Variants in NFATC3 observed in about 807,000 individuals in gnomAD.
NFATC3 encodes nuclear factor of activated T-cells, cytoplasmic 3.
NFATC3 carries 46 observed loss-of-function variants against 98.6 expected under a neutral mutation model. The observed-to-expected ratio is 0.47, with a 90% CI of 0.37 to 0.60. NFATC3 has a LOEUF of 0.60. Among genes scored for constraint, NFATC3 ranks in the 20% least tolerant of loss-of-function variants. The pLI, the probability that NFATC3 is intolerant of heterozygous loss-of-function variation, is 0.00. For synonymous variants in NFATC3, 512 were observed against 472.2 expected, an observed-to-expected ratio of 1.08 and a Z score of -1.09; for missense variants, 1,256 against 1,295.5, an observed-to-expected ratio of 0.97 and a Z score of 0.47.
chr16:68,113,395 T>A (rs2036088297), intron 1 of NFATC3, among the ~76,000 whole-genome samples: 1 of 152,186 alleles, frequency 6.6e-6, no homozygotes, highest in African/African-American at 2.4e-5. Flanking sequence ...ACCTAATTCA[T>A]CTACCCCCTC....
chr16:68,173,866 T>G (rs1478111524), intron 5 of NFATC3, among the ~76,000 whole-genome samples: 1 of 152,072 alleles, frequency 6.6e-6, no homozygotes, highest in African/African-American at 2.4e-5. Context: ...AGAAAATAAT[T>G]GGCTGGGTGT....
intron 1 of NFATC3, among the ~76,000 whole-genome samples, chr16:68,105,414 T>C (rs989372810): frequency 1.3e-5 from 2 of 152,156 alleles, no homozygotes; most frequent in Non-Finnish European, 2.9e-5. Flanking sequence ...CTTCACTCTA[T>C]TAATATGGTA....
At chr16:68,155,614 C>T (rs2038568515) in intron 3 of NFATC3, among the ~76,000 whole-genome samples, 1 of 152,120 alleles carries the variant, frequency 6.6e-6, no homozygotes, top group African/African-American at 2.4e-5. Flanking sequence ...CAGATTCCCT[C>T]GCCAGGCAGA....
intron 3 of NFATC3, among the ~76,000 whole-genome samples, chr16:68,132,347 G>C (rs2037156841): frequency 6.6e-6 from 1 of 152,150 alleles, no homozygotes; most frequent in Non-Finnish European, 1.5e-5. Flanking sequence ...GTATATAGCA[G>C]AGCTGCTAAC....
intron 3 of NFATC3, among the ~76,000 whole-genome samples, chr16:68,128,666 G>A (rs2036964985): frequency 6.6e-6 from 1 of 152,098 alleles, no homozygotes; most frequent in Non-Finnish European, 1.5e-5. Flanking sequence ...AACAAAAACT[G>A]AGCCAGGAAC....
At chr16:68,193,269 G>T (rs2151118173) in intron 9 of NFATC3, among the ~76,000 whole-genome samples, 1 of 152,120 alleles carries the variant, frequency 6.6e-6, no homozygotes, top group East Asian at 1.9e-4. Flanking sequence ...TTTTGGTATG[G>T]GGGGGTTGTA....
chr16:68,117,457 C>T (rs561267723), intron 1 of NFATC3, among the ~76,000 whole-genome samples: 1 of 152,304 alleles, frequency 6.6e-6, no homozygotes, highest in South Asian at 2.1e-4. Flanking sequence ...TCTCATTATT[C>T]TGCCTCCTTA....
chr16:68,095,587 C>T (rs1347983704), intron 1 of NFATC3, among the ~76,000 whole-genome samples: 1 of 152,150 alleles, frequency 6.6e-6, no homozygotes, highest in Non-Finnish European at 1.5e-5. Context: ...CTCCCTACCT[C>T]AGGTGATCCG....
At chr16:68,182,087 T>C (rs1391575538) in intron 7 of NFATC3, among the ~76,000 whole-genome samples, 1 of 152,228 alleles carries the variant, frequency 6.6e-6, no homozygotes, top group Non-Finnish European at 1.5e-5. Flanking sequence ...AAGGTTCTTA[T>C]TGAAATTATC....
chr16:68,168,242 C>T (rs1295126717), intron 5 of NFATC3, among the ~76,000 whole-genome samples: 1 of 151,724 alleles, frequency 6.6e-6, no homozygotes, highest in Non-Finnish European at 1.5e-5. Context: ...CTCACTGCAT[C>T]CTCCACCTCC....
At chr16:68,213,535 A>T (rs1471324757) in intron 9 of NFATC3, among the ~76,000 whole-genome samples, 1 of 151,912 alleles carries the variant, frequency 6.6e-6, no homozygotes, top group Non-Finnish European at 1.5e-5. Flanking sequence ...TAGTTTAAAA[A>T]ATACTCCTCC....
chr16:68,174,477 T>G lies in NFATC3; in HGVS notation c.1878T>G (p.Leu626=), dbSNP rs2039598951. 6.2e-7 allele frequency: 1 copy of G among 1,603,816 alleles called. No individual in the cohort carries two copies. The highest frequency in any genetic ancestry group is 8.5e-7 in the Non-Finnish European group (1 of 1,175,640). ...HEMVVTGSNF[L]PESKIIFLEK... ...TGGTTGTGACTGGATCTAATTTTCTTCCAGAATCCAAAATCATTTTTCTTG... is the reference window on the plus strand; with the variant it reads ...TGGTTGTGACTGGATCTAATTTTCTGCCAGAATCCAAAATCATTTTTCTTG... Residue 626 remains leucine, a synonymous_variant, in exon 6 of 10, where the codon CTT becomes CTG. Transcript: ENST00000346183.
intron 9 of NFATC3, among the ~76,000 whole-genome samples, chr16:68,208,331 C>T (rs374821398): frequency 1.3e-4 from 20 of 152,236 alleles, no homozygotes; most frequent in African/African-American, 4.6e-4. Flanking sequence ...CCACCATGCC[C>T]GGTCTAGTTT....
chr16:68,191,682 C>T lies in NFATC3; in HGVS notation c.3013C>T (p.Pro1005Ser), dbSNP rs767033224. The change falls in exon 9 of 10, where the codon CCT (proline) becomes TCT (serine). Residue 1005 changes from proline (P) to serine (S), a missense_variant. By Grantham distance (74) the Pro-to-Ser change is moderately conservative. Coordinates refer to ENST00000346183, the MANE Select transcript of NFATC3 (RefSeq NM_173165.3). Reference protein sequence around the residue: ...HSLCDPASFPPDGATVSIKPE... With the variant: ...HSLCDPASFPSDGATVSIKPE... ...TTTGTGTGATCCAGCGTCATTTCCA[C>T]CTGATGGGGCAACTGTGAGCATTAA... 5 of 1,614,032 alleles carry T rather than the reference C, an allele frequency of 3.1e-6. No individual in the cohort carries two copies. The African/African-American group carries it at 4.0e-5, about 13-fold the overall frequency.
Position 68,183,315 on chromosome 16 carries a change from T to G in NFATC3, c.2047T>G (p.Cys683Gly), listed in dbSNP as rs754467390. ...TAAVQVHFYL[C>G]NGKRKKSQSQ... ...TGCAGTGCAGGTGCACTTTTATCTT[T>G]GCAATGGCAAGAGGAAAAAAAGCCA... The change falls in exon 8 of 10, where the codon TGC (cysteine) becomes GGC (glycine). Residue 683 changes from cysteine (C) to glycine (G), a missense_variant. Cys to Gly is a radical substitution (Grantham distance 159). This residue lies in a region of NFATC3 where 636 missense variants were observed against 617.3 expected (regional missense o/e 1.03). Coordinates refer to ENST00000346183, the MANE Select transcript of NFATC3 (RefSeq NM_173165.3). The G allele has an allele frequency of 1.9e-6, 3 of 1,613,598 alleles. No individual in the cohort carries two copies. The highest frequency in any genetic ancestry group is 1.1e-5 in the South Asian group (1 of 90,986).
chr16:68,108,318 A>C (rs1202370401), intron 1 of NFATC3, among the ~76,000 whole-genome samples: 4 of 152,154 alleles, frequency 2.6e-5, no homozygotes, highest in African/African-American at 9.7e-5. Flanking sequence ...TCCCAATACT[A>C]CTTATTAAAT....
intron 1 of NFATC3, 35 bp downstream of exon 1, chr16:68,085,819 C>A (rs1347385629): frequency 8.0e-6 from 11 of 1,375,426 alleles, no homozygotes; most frequent in Non-Finnish European, 1.0e-5. Flanking sequence ...GTGGAGCGAC[C>A]CCGCTTCTCG....
chr16:68,191,849 G>C, intron 9 of NFATC3, 74 bp downstream of exon 9: 2 of 1,506,714 alleles, frequency 1.3e-6, no homozygotes, highest in Non-Finnish European at 1.8e-6. Flanking sequence ...TCATGAAAAA[G>C]TTTCTATGGA....
In NFATC3 at chr16:68,227,071, CTGT is replaced by C. The variant is rs2042054988; in HGVS notation, c.*605_*607del. 6.6e-6 allele frequency: 1 copy of C among 152,188 alleles called. No individual in the cohort carries two copies. The highest frequency in any genetic ancestry group is 6.5e-5 in the Admixed American group (1 of 15,286). The allele number at this position is 152,188 out of a possible 1,614,324, so 9.4% of individuals were successfully genotyped here. ...GCTCATACCTCTTTATAAAACTAAA[CTGT>C]TGTTAGATAAAATGAGAAGAGACCA... On this transcript the variant is annotated 3_prime_UTR_variant, in exon 10 of 10. Transcript: ENST00000346183.
Sources: allele counts gnomAD v4.1 joint callset (sites outside exome capture counted in the v4.1 genomes callset), GRCh38; gene constraint gnomAD v4.1.1; regional missense constraint gnomAD v4.1.1; transcripts MANE v1.5; gene names NCBI Gene and HGNC (gene_info 2026-07-23, HGNC 2026-07-21).